The following NALCN variants were observed in gnomAD, a reference collection of about 807,000 sequenced individuals.
The protein encoded by NALCN is sodium leak channel NALCN.
NALCN carries 111 observed loss-of-function variants against 225.3 expected under a neutral mutation model. The observed-to-expected ratio is 0.49, with a 90% CI of 0.42 to 0.58. The LOEUF is 0.58. NALCN is among the 20% of genes least tolerant of loss of function. The pLI is 0.00. For missense variants in NALCN, 1,378 were observed against 2,202.4 expected (o/e 0.63, Z 7.49); for synonymous variants, 764 against 769.0 (o/e 0.99, Z 0.11).
chr13:101,181,197 C>T (rs780306275), intron 14 of NALCN: 14 of 518,704 alleles, frequency 2.7e-5, no homozygotes, highest in Admixed American at 2.3e-4. Context: ...GTGAGGAACG[C>T]ATTCCAGGTG....
Position 101,107,617 on chromosome 13 carries a change from G to A in NALCN, c.2457-8C>T. On this transcript the variant is annotated splice_region_variant and splice_polypyrimidine_tract_variant and intron_variant, in intron 21 of 43. Transcript: ENST00000251127. ...TCCTCTTCTTGCACTTTCCTTGAAGGAGAAATTCATGGGAGAATGAGGCTA... is the reference window on the plus strand; with the variant it reads ...TCCTCTTCTTGCACTTTCCTTGAAGAAGAAATTCATGGGAGAATGAGGCTA... 1 of 1,614,046 alleles carries A rather than the reference G, an allele frequency of 6.2e-7. No homozygotes were observed. The highest frequency in any genetic ancestry group is 8.5e-7 in the Non-Finnish European group (1 of 1,179,924).
At chr13:101,177,492 T>C (rs2039010769) in intron 14 of NALCN, among the ~76,000 whole-genome samples, 1 of 149,822 alleles carries the variant, frequency 6.7e-6, no homozygotes, top group Non-Finnish European at 1.5e-5. Flanking sequence ...AGGAGGTACT[T>C]TAGAAATATT....
chr13:101,221,272 C>T (rs1210533143), intron 13 of NALCN, among the ~76,000 whole-genome samples: 3 of 152,076 alleles, frequency 2.0e-5, no homozygotes, highest in East Asian at 1.9e-4. Flanking sequence ...GCACACGCCA[C>T]CACACCCAGC....
At chr13:101,196,001 T>C (rs1594411836) in intron 13 of NALCN, among the ~76,000 whole-genome samples, 2 of 152,198 alleles carry the variant, frequency 1.3e-5, no homozygotes, top group Non-Finnish European at 1.5e-5. Flanking sequence ...ATGTTTCCTA[T>C]GAAAACATTG....
At chr13:101,245,715 C>G (rs770040055) in intron 11 of NALCN, among the ~76,000 whole-genome samples, 1 of 151,872 alleles carries the variant, frequency 6.6e-6, no homozygotes, top group Non-Finnish European at 1.5e-5. Context: ...CCATTTCACA[C>G]TGACTTCTTA....
chr13:101,228,068 A>T (rs528485992), intron 13 of NALCN, among the ~76,000 whole-genome samples: 1 of 152,092 alleles, frequency 6.6e-6, no homozygotes, highest in South Asian at 2.1e-4. Context: ...GTGCTTACCT[A>T]CTGGTTCCTC....
chr13:101,106,737 T>C (rs61973993), intron 22 of NALCN, among the ~76,000 whole-genome samples: 12,556 of 152,246 alleles, frequency 0.082, 570 homozygotes, highest in Non-Finnish European at 0.096. Flanking sequence ...ATGTAAGATG[T>C]GCCTTTTGCC....
At chr13:101,318,661 G>A (rs1225515041) in intron 7 of NALCN, among the ~76,000 whole-genome samples, 1 of 152,122 alleles carries the variant, frequency 6.6e-6, no homozygotes, top group Non-Finnish European at 1.5e-5. Flanking sequence ...GGCTGAAGAG[G>A]CTAGAATTAT....
chr13:101,400,063 A>C (rs781248522), intron 1 of NALCN, among the ~76,000 whole-genome samples: 2 of 152,138 alleles, frequency 1.3e-5, no homozygotes, highest in Non-Finnish European at 2.9e-5. Context: ...TCTTAAAGGA[A>C]GGTGAGGAAC....
chr13:101,149,280 G>A lies in NALCN; in HGVS notation c.1840-4384C>T, dbSNP rs1408615537. On this transcript the variant is annotated intron_variant, in intron 15 of 43. Coordinates refer to ENST00000251127, the MANE Select transcript of NALCN (RefSeq NM_052867.4). ...TGCACTCCAGCCTGGGGGACACAGC[G>A]AGACTGTCTCAAAAAAAAAAAAAAA... Among the ~76,000 whole-genome samples, 4 of 111,664 alleles carry A rather than the reference G, an allele frequency of 3.6e-5. No individual in the cohort carries two copies. In the East Asian group the frequency reaches 1.3e-3, roughly 37 times the overall value. The allele number at this position is 111,664 out of a possible 152,430, so 73.3% of individuals were successfully genotyped here. A position where few individuals can be genotyped will look rare whatever the true frequency, so the allele number is the denominator to read the frequency against.
At chr13:101,137,440 G>C (rs902277635) in intron 17 of NALCN, among the ~76,000 whole-genome samples, 7 of 151,648 alleles carry the variant, frequency 4.6e-5, no homozygotes, top group African/African-American at 1.7e-4. Context: ...TATAGATCAG[G>C]CTGAGTAACT....
intron 3 of NALCN, among the ~76,000 whole-genome samples, chr13:101,392,785 T>C (rs1006079137): frequency 3.3e-5 from 5 of 152,286 alleles, no homozygotes; most frequent in African/African-American, 2.4e-5. Flanking sequence ...AGGAAAACTA[T>C]TATGACTAAT....
chr13:101,116,840 C>G (rs956412925), intron 18 of NALCN: 1 of 428,258 alleles, frequency 2.3e-6, no homozygotes, highest in Non-Finnish European at 4.7e-6. Context: ...GGAAAATAGT[C>G]TTTCAGTGGT....
intron 17 of NALCN, among the ~76,000 whole-genome samples, chr13:101,130,551 T>A (rs1383022050): frequency 6.6e-6 from 1 of 152,188 alleles, no homozygotes; most frequent in East Asian, 1.9e-4. Context: ...TATCTTACAT[T>A]ACTCATATTC....
chr13:101,390,656 G>A (rs771503194), intron 3 of NALCN, among the ~76,000 whole-genome samples: 1 of 151,608 alleles, frequency 6.6e-6, no homozygotes, highest in Admixed American at 6.6e-5. Flanking sequence ...AAAAGAGCAA[G>A]CCACTTCGAG....
In NALCN at chr13:101,083,176, T is replaced by G; in HGVS notation, c.3606A>C (p.Lys1202Asn). 1 of 1,614,102 alleles carries G rather than the reference T, an allele frequency of 6.2e-7. No homozygotes were observed. Among genetic ancestry groups the G allele is most frequent in the Non-Finnish European group, 8.5e-7 (1 of 1,179,978 alleles). ...ATGGATGCTGGGTTATGTCATACAT[T>G]TTAGCTCTAAAACCATCATTATCTA... ...PRPDNDGFRA[K>N]MYDITQHPFF... Residue 1202 changes from lysine (K) to asparagine (N), a missense_variant, in exon 32 of 44, where the codon AAA becomes AAC. This residue lies in a region of NALCN where 98 missense variants were observed against 156.6 expected (regional missense o/e 0.63). Coordinates refer to ENST00000251127, the MANE Select transcript of NALCN (RefSeq NM_052867.4).
chr13:101,199,360 T>C (rs2040019685), intron 13 of NALCN, among the ~76,000 whole-genome samples: 1 of 151,782 alleles, frequency 6.6e-6, no homozygotes, highest in South Asian at 2.1e-4. Flanking sequence ...ATATGTTTAC[T>C]GTGGCACTAT....
chr13:101,408,730 G>A (rs889439216), intron 1 of NALCN, among the ~76,000 whole-genome samples: 7 of 151,764 alleles, frequency 4.6e-5, no homozygotes, highest in Non-Finnish European at 1.0e-4. Context: ...CTTTTCTTTT[G>A]GGGTACTCAT....
intron 17 of NALCN, among the ~76,000 whole-genome samples, chr13:101,142,394 G>A (rs141537974): frequency 2.0e-4 from 30 of 151,844 alleles, no homozygotes; most frequent in African/African-American, 6.3e-4. Context: ...CACCCGCCTC[G>A]GCCTCCCAAA....
Sources: gnomAD v4.1 joint callset for allele counts (sites outside exome capture counted in the v4.1 genomes callset) on GRCh38, gnomAD v4.1.1 for gene constraint, gnomAD v4.1.1 regional missense constraint, MANE v1.5 for transcripts, NCBI Gene and HGNC (gene_info 2026-07-23, HGNC 2026-07-21) for gene names.